ANKRD28: variants seen among roughly 807,000 people sequenced by gnomAD.
The protein encoded by ANKRD28 is ankyrin repeat domain 28.
A neutral mutation model predicts 126.5 loss-of-function variants in ANKRD28; 44 were observed. That is an observed-to-expected ratio of 0.35 (90% confidence interval 0.27 to 0.45). The LOEUF (loss-of-function observed/expected upper bound fraction) is 0.45, where lower values mean the gene tolerates loss of function less well. Among genes scored for constraint, ANKRD28 ranks in the 20% least tolerant of loss-of-function variants. The probability of loss-of-function intolerance (pLI) is 1.00; values close to 1 mark genes in which losing one functional copy is unlikely to be tolerated. For synonymous variants in ANKRD28, 442 were observed against 468.5 expected, an observed-to-expected ratio of 0.94 and a Z score of 0.73; for missense variants, 1,110 against 1,316.6, an observed-to-expected ratio of 0.84 and a Z score of 2.43.
Position 15,694,738 on chromosome 3 carries a change from C to T in ANKRD28, c.1761+1G>A. 6.2e-7 allele frequency: 1 copy of T among 1,613,034 alleles called. No homozygotes were observed. The highest frequency in any genetic ancestry group is 8.5e-7 in the Non-Finnish European group (1 of 1,179,092). On this transcript the variant is annotated splice_donor_variant, in intron 17 of 27. Coordinates refer to ENST00000683139, the MANE Select transcript of ANKRD28 (RefSeq NM_001349278.2). LOFTEE classifies it high-confidence loss of function. ...AAGTCGGCTATGAAGGCAGTACTCA[C>T]AGCCAAGTGTAAAGGGCTTATTGTT...
intron 14 of ANKRD28, among the ~76,000 whole-genome samples, chr3:15,707,392 T>A (rs2071601310): frequency 6.6e-6 from 1 of 152,254 alleles, no homozygotes; most frequent in African/African-American, 2.4e-5. Context: ...ATTTACTTAT[T>A]CTGCCATCTA....
chr3:15,717,899 T>C (rs6780258), intron 8 of ANKRD28, among the ~76,000 whole-genome samples: 5,709 of 152,248 alleles, frequency 0.037, 347 homozygotes, highest in African/African-American at 0.13. Context: ...ACATTCCAAT[T>C]TCTAGTCATC....
At chr3:15,841,140 A>G (rs139415402) in intron 1 of ANKRD28, among the ~76,000 whole-genome samples, 1 of 152,296 alleles carries the variant, frequency 6.6e-6, no homozygotes, top group East Asian at 1.9e-4. Context: ...CTGTGTCTCA[A>G]AAAAAGAAAA....
At chr3:15,834,331 G>A (rs1333784228) in intron 1 of ANKRD28, among the ~76,000 whole-genome samples, 3 of 152,014 alleles carry the variant, frequency 2.0e-5, no homozygotes, top group Non-Finnish European at 4.4e-5. Context: ...TTTCCCCAGT[G>A]TATATTCTTG....
intron 4 of ANKRD28, among the ~76,000 whole-genome samples, chr3:15,748,911 T>A (rs1352561073): frequency 6.6e-6 from 1 of 152,082 alleles, no homozygotes; most frequent in Admixed American, 6.5e-5. Flanking sequence ...TTTCTTTGTC[T>A]TTGATGGATT....
chr3:15,771,512 A>C (rs546723015), intron 2 of ANKRD28, among the ~76,000 whole-genome samples: 140 of 152,246 alleles, frequency 9.2e-4, no homozygotes, highest in South Asian at 1.9e-3. Flanking sequence ...GGGTGTCACA[A>C]GGTGAAGAGA....
chr3:15,777,383 G>A (rs1040112365), intron 2 of ANKRD28, among the ~76,000 whole-genome samples: 4 of 151,916 alleles, frequency 2.6e-5, no homozygotes, highest in Admixed American at 1.3e-4. Context: ...GGTTCTACAC[G>A]GAATCAGGAA....
chr3:15,796,404 C>A lies in ANKRD28; in HGVS notation c.117+1G>T. 2.3e-6 allele frequency: 3 copies of A among 1,285,234 alleles called. No individual in the cohort carries two copies. The highest frequency in any genetic ancestry group is 3.0e-6 in the Non-Finnish European group (3 of 985,588). 79.6% of individuals were successfully genotyped at this position (1,285,234 alleles called of 1,614,324 possible). On this transcript the variant is annotated splice_donor_variant, in intron 1 of 27. Transcript: ENST00000683139. LOFTEE classifies it high-confidence loss of function. Reference sequence around the variant, plus strand: ...TAAACATATAAACTTACATATCTTACCAATACATTTCCAGAAGGTGGAGAA... The same window carrying A: ...TAAACATATAAACTTACATATCTTAACAATACATTTCCAGAAGGTGGAGAA...
At chr3:15,736,112 T>A (rs999735315) in intron 5 of ANKRD28, among the ~76,000 whole-genome samples, 1 of 152,246 alleles carries the variant, frequency 6.6e-6, no homozygotes, top group Non-Finnish European at 1.5e-5. Context: ...TATCTGCAGT[T>A]CCACTTTCTG....
chr3:15,751,700 C>T (rs2057872554), intron 4 of ANKRD28, 50 bp downstream of exon 4: 2 of 1,173,200 alleles, frequency 1.7e-6, no homozygotes, highest in Non-Finnish European at 1.2e-6. Context: ...CAGGGGTACG[C>T]CTATTTAATG....
Position 15,730,319 on chromosome 3 carries a change from G to C in ANKRD28, c.640+5091C>G, listed in dbSNP as rs149568187. On this transcript the variant is annotated intron_variant, in intron 6 of 27. Transcript: ENST00000683139. ...GGTTGATGGCAGGAGCAAGCACAAG[G>C]TGGGAAGAAGAAAATGATCAATTCA... Among the ~76,000 whole-genome samples the C allele has an allele frequency of 2.5e-3, 386 of 152,300 alleles. 4 individuals carry two copies. Among genetic ancestry groups the C allele is most frequent in the South Asian group, 2.9e-3 (14 of 4,826 alleles).
chr3:15,802,663 T>C (rs1406390395), upstream of ANKRD28, among the ~76,000 whole-genome samples: 1 of 152,194 alleles, frequency 6.6e-6, no homozygotes, highest in Non-Finnish European at 1.5e-5. Flanking sequence ...TTTTCCTGGA[T>C]AAGCTAAGGA....
rs368222731 is a variant in ANKRD28, at chr3:15,734,094, T to A, written c.640+1316A>T. On this transcript the variant is annotated intron_variant, in intron 6 of 27. Transcript: ENST00000683139. ...CCACATGTGGTTCAAAAATATAGTATTCAGGGGATGTGAAACGCTCATACA... is the reference window on the plus strand; with the variant it reads ...CCACATGTGGTTCAAAAATATAGTAATCAGGGGATGTGAAACGCTCATACA... Among the ~76,000 whole-genome samples the A allele has an allele frequency of 4.2e-4, 64 of 152,350 alleles. No individual in the cohort carries two copies. In the South Asian group the frequency reaches 0.013, roughly 32 times the overall value.
chr3:15,797,987 T>C (rs2060353815), upstream of ANKRD28: 1 of 985,240 alleles, frequency 1.0e-6, no homozygotes, highest in South Asian at 4.7e-5. Context: ...TCTGAGCTAC[T>C]TCTCGGGATG....
intron 3 of ANKRD28, among the ~76,000 whole-genome samples, chr3:15,754,879 G>A (rs970841754): frequency 6.6e-6 from 1 of 152,184 alleles, no homozygotes; most frequent in African/African-American, 2.4e-5. Context: ...TACTTTGGGA[G>A]ACCAAGGCGG....
chr3:15,762,223 A>ACAAAC (rs1559489384), intron 3 of ANKRD28, among the ~76,000 whole-genome samples: 1 of 140,152 alleles, frequency 7.1e-6, no homozygotes. Context: ...ACAAAACAAA[A>ACAAAC]AAAAAAAAAC....
chr3:15,738,971 G>C (rs769316431), intron 4 of ANKRD28, among the ~76,000 whole-genome samples: 1 of 152,262 alleles, frequency 6.6e-6, no homozygotes, highest in Non-Finnish European at 1.5e-5. Flanking sequence ...AGAATTCAGC[G>C]ATATTTCTCC....
chr3:15,695,338 T>C (rs144228633), intron 15 of ANKRD28, 124 bp from the exon 16 acceptor site: 2 of 688,108 alleles, frequency 2.9e-6, no homozygotes, highest in East Asian at 2.7e-5. Context: ...TCCAAAAAAT[T>C]AGGTGTTTTG....
chr3:15,806,679 G>A (rs1014223939), intron 1 of ANKRD28, among the ~76,000 whole-genome samples: 1 of 151,960 alleles, frequency 6.6e-6, no homozygotes, highest in Non-Finnish European at 1.5e-5. Context: ...ATGCCACCAC[G>A]CCCAGCTAAT....
Sources: gnomAD v4.1 joint callset for allele counts (sites outside exome capture counted in the v4.1 genomes callset) on GRCh38, gnomAD v4.1.1 for gene constraint, MANE v1.5 for transcripts, NCBI Gene and HGNC (gene_info 2026-07-23, HGNC 2026-07-21) for gene names.